The following IMPG1 variants were observed in gnomAD, a reference collection of about 807,000 sequenced individuals.
The protein encoded by IMPG1 is interphotoreceptor matrix proteoglycan 1.
Under a neutral mutation model 92.0 loss-of-function variants are expected in IMPG1, and 85 were observed. The ratio of observed to expected loss-of-function variants is 0.92; its 90% CI spans 0.78 to 1.11. The LOEUF (loss-of-function observed/expected upper bound fraction) is 1.11, where lower values mean the gene tolerates loss of function less well. IMPG1 is among the 50% of genes least tolerant of loss of function. IMPG1 has a pLI of 0.00. For missense variants in IMPG1, 1,022 were observed against 956.0 expected, an observed-to-expected ratio of 1.07 and a Z score of -0.91; for synonymous variants, 367 against 334.1, an observed-to-expected ratio of 1.10 and a Z score of -1.08.
At chr6:76,006,937 T>C (rs1264541447) in intron 9 of IMPG1, among the ~76,000 whole-genome samples, 1 of 152,072 alleles carries the variant, frequency 6.6e-6, no homozygotes, top group East Asian at 1.9e-4. Flanking sequence ...TTCTTGGTGG[T>C]TTTTCAGATG....
chr6:76,033,868 T>C (rs559145206), intron 4 of IMPG1, among the ~76,000 whole-genome samples: 8 of 152,222 alleles, frequency 5.3e-5, no homozygotes, highest in Non-Finnish European at 1.0e-4. Flanking sequence ...AGGATATAAC[T>C]TAGAGCTTTA....
At chr6:76,030,304 G>A (rs1277355279) in intron 4 of IMPG1, among the ~76,000 whole-genome samples, 2 of 151,948 alleles carry the variant, frequency 1.3e-5, no homozygotes, top group Admixed American at 6.6e-5. Context: ...GATGGAGGAG[G>A]GAAAGAGGAT....
At chr6:75,939,922 G>A in intron 14 of IMPG1, among the ~76,000 whole-genome samples, 1 of 152,126 alleles carries the variant, frequency 6.6e-6, no homozygotes, top group Non-Finnish European at 1.5e-5. Context: ...CTGAAGTCTG[G>A]CCTCTCTGCC....
chr6:75,931,227 GACCAAAT>G lies in IMPG1; in HGVS notation c.2045-83_2045-77del, dbSNP rs557856077. 101 of 1,370,078 alleles carry G rather than the reference GACCAAAT, an allele frequency of 7.4e-5. 1 individual carries two copies. In the East Asian group the frequency reaches 1.7e-3, roughly 23 times the overall value. 84.9% of individuals were successfully genotyped at this position (1,370,078 alleles called of 1,614,324 possible). ...GAACTGGCAGCAGTCAAAGGCAAGA[GACCAAAT>G]ACATTTGCTATTACCTCATTTTGGA... On this transcript the variant is annotated intron_variant, in intron 14 of 16. Coordinates refer to ENST00000369950, the MANE Select transcript of IMPG1 (RefSeq NM_001563.4).
chr6:75,993,359 A>C (rs1211708703), intron 12 of IMPG1, among the ~76,000 whole-genome samples: 1 of 152,176 alleles, frequency 6.6e-6, no homozygotes, highest in East Asian at 1.9e-4. Flanking sequence ...TCAGGAGGCC[A>C]TGAAGTCCAA....
chr6:76,020,670 C>T (rs972085641), intron 6 of IMPG1, among the ~76,000 whole-genome samples: 5 of 151,656 alleles, frequency 3.3e-5, no homozygotes, highest in African/African-American at 1.2e-4. Flanking sequence ...CTACTGCCTA[C>T]TTTGTGCAGC....
intron 12 of IMPG1, among the ~76,000 whole-genome samples, chr6:75,974,086 T>A (rs1490011352): frequency 6.6e-6 from 1 of 152,226 alleles, no homozygotes; most frequent in Admixed American, 6.5e-5. Context: ...CTTCAGAGAA[T>A]GACCTTAAAT....
At chr6:75,963,897 C>T (rs1782253267) in intron 12 of IMPG1, among the ~76,000 whole-genome samples, 1 of 152,194 alleles carries the variant, frequency 6.6e-6, no homozygotes, top group Admixed American at 6.5e-5. Context: ...AGGAACTCTC[C>T]TGATGCTAAA....
chr6:75,963,272 A>C (rs1782239226), intron 12 of IMPG1, among the ~76,000 whole-genome samples: 1 of 152,216 alleles, frequency 6.6e-6, no homozygotes. Context: ...ACGATGAGTC[A>C]AAAATGCATA....
intron 14 of IMPG1, 56 bp downstream of exon 14, chr6:75,947,257 CG>C (rs1394232830): frequency 8.9e-6 from 12 of 1,343,326 alleles, no homozygotes; most frequent in South Asian, 4.9e-5. Flanking sequence ...AAAAACAGAA[CG>C]AAATTAAAAA....
At chr6:76,031,496 A>G (rs1324003042) in intron 4 of IMPG1, among the ~76,000 whole-genome samples, 1 of 152,256 alleles carries the variant, frequency 6.6e-6, no homozygotes, top group East Asian at 1.9e-4. Context: ...TTGTAAACAC[A>G]GATGACTACA....
intron 1 of IMPG1, among the ~76,000 whole-genome samples, chr6:76,044,727 T>C (rs1783907128): frequency 6.6e-6 from 1 of 151,218 alleles, no homozygotes; most frequent in African/African-American, 2.4e-5. Flanking sequence ...AGTCTTTAGG[T>C]TTCATCCTAT....
intron 12 of IMPG1, among the ~76,000 whole-genome samples, chr6:75,971,292 G>C (rs981260474): frequency 2.8e-5 from 4 of 142,624 alleles, no homozygotes; most frequent in African/African-American, 7.8e-5. Context: ...CACAGGAAGG[G>C]GAACATCACA....
At position 76,005,339 on chromosome 6, in the gene IMPG1, T is replaced by A; in HGVS notation, c.1083A>T (p.Lys361Asn). ...CCAAAGATTGTTCTTCCTCTAGTGC[T>A]TTGCTGATCAGCCTTTTGAGGTCTG... is the stretch of plus-strand genomic sequence containing the variant. ...TATDLKRLIS[K>N]ALEEEQSLDV... The change falls in exon 10 of 17, where the codon AAA becomes AAT. Residue 361 changes from lysine to asparagine, a missense_variant. Lys to Asn is a moderately conservative substitution (Grantham distance 94). This residue lies in a region of IMPG1 where 681 missense variants were observed against 583.6 expected (regional missense o/e 1.17). Transcript: ENST00000369950. 6.2e-7 allele frequency: 1 copy of A among 1,614,054 alleles called. No individual in the cohort carries two copies. The highest frequency in any genetic ancestry group is 8.5e-7 in the Non-Finnish European group (1 of 1,179,924).
chr6:75,974,331 CTT>C (rs1215196440), intron 12 of IMPG1, among the ~76,000 whole-genome samples: 2 of 31,006 alleles, frequency 6.5e-5, no homozygotes, highest in African/African-American at 1.4e-4. Flanking sequence ...CTTTCTTTCC[CTT>C]TCTTTCTTTC....
intron 2 of IMPG1, 49 bp from the exon 3 acceptor site, chr6:76,034,836 C>T (rs1342029179): frequency 6.6e-7 from 1 of 1,504,046 alleles, no homozygotes; most frequent in Admixed American, 1.9e-5. Flanking sequence ...GTCCCCGTAC[C>T]CAATCCCAAG....
chr6:76,029,254 A>C (rs1275384929), intron 4 of IMPG1, among the ~76,000 whole-genome samples: 1 of 152,240 alleles, frequency 6.6e-6, no homozygotes, highest in Non-Finnish European at 1.5e-5. Flanking sequence ...TTGAGGATAC[A>C]AACCCAGAGC....
chr6:76,011,184 A>AT lies in IMPG1; in HGVS notation c.847dup (p.Ile283AsnfsTer7), dbSNP rs755950750. The stretch of plus-strand genomic sequence containing the variant: ...TACTTACCTAAATCCTAACACATGG[A>AT]TTTTTTTGAATCCTGGAAGTTTCTT... On this transcript the variant is annotated frameshift_variant, in exon 8 of 17. Coordinates refer to ENST00000369950, the MANE Select transcript of IMPG1 (RefSeq NM_001563.4). LOFTEE classifies it high-confidence loss of function. The AT allele has an allele frequency of 2.9e-5, 44 of 1,543,734 alleles. No homozygotes were observed. Among genetic ancestry groups the AT allele is most frequent in the South Asian group, 1.6e-4 (14 of 88,870 alleles).
intron 12 of IMPG1, among the ~76,000 whole-genome samples, chr6:75,986,027 CA>C (rs1170992976): frequency 1.3e-5 from 2 of 152,200 alleles, no homozygotes; most frequent in East Asian, 3.9e-4. Flanking sequence ...GCTCCTGTCA[CA>C]AAATAGTGCA....
Sources: allele counts gnomAD v4.1 joint callset (sites outside exome capture counted in the v4.1 genomes callset), GRCh38; gene constraint gnomAD v4.1.1; regional missense constraint gnomAD v4.1.1; transcripts MANE v1.5; gene names NCBI Gene and HGNC (gene_info 2026-07-23, HGNC 2026-07-21).